Variants in POLR1C observed in about 807,000 individuals in gnomAD.
POLR1C encodes the protein DNA-directed RNA polymerases I and III subunit RPAC1.
In POLR1C, 42 loss-of-function variants were observed where a neutral mutation model predicts 38.3. The observed-to-expected ratio is 1.10, with a 90% CI of 0.86 to 1.42. The LOEUF is 1.42. POLR1C is among the 40% of genes most tolerant of loss of function. The pLI, the probability that POLR1C is intolerant of heterozygous loss-of-function variation, is 0.00. For synonymous variants in POLR1C, 163 were observed against 163.9 expected (o/e 0.99, Z 0.04); for missense variants, 507 against 450.5 (o/e 1.13, Z -1.14).
At chr6:43,528,837 G>A (rs1248752554) in intron 8 of POLR1C, 2 of 1,613,638 alleles carry the variant, frequency 1.2e-6, no homozygotes, top group African/African-American at 2.7e-5. Context: ...CCATATGGAG[G>A]TAGGTGAAAA....
intron 9 of POLR1C, chr6:43,547,741 A>T: frequency 1.3e-6 from 2 of 1,590,584 alleles, no homozygotes; most frequent in Non-Finnish European, 1.7e-6. Context: ...AAGTTACATC[A>T]TGACTTTAAA....
chr6:43,538,695 T>C (rs1794501398), intron 9 of POLR1C: 1 of 440,164 alleles, frequency 2.3e-6, no homozygotes, highest in Non-Finnish European at 3.9e-6. Context: ...ATTTTCCTCT[T>C]TGGTACTGTT....
downstream of POLR1C, chr6:43,523,858 A>G: frequency 1.2e-6 from 2 of 1,613,998 alleles, no homozygotes; most frequent in Non-Finnish European, 1.7e-6. Flanking sequence ...AGGATGCCCA[A>G]AAGCTTGATT....
chr6:43,520,334 G>T lies in POLR1C; in HGVS notation c.562G>T (p.Gly188Cys). 1 of 1,613,400 alleles carries T rather than the reference G, an allele frequency of 6.2e-7. No individual in the cohort carries two copies. The highest frequency in any genetic ancestry group is 8.5e-7 in the Non-Finnish European group (1 of 1,180,016). Residue 188 changes from glycine (G) to cysteine (C), a missense_variant, in exon 6 of 9, where the codon GGC (glycine) becomes TGC (cysteine). By Grantham distance (159) the Gly-to-Cys change is radical. Transcript: ENST00000642195. ...LGNQADLFPEGTIRPVHDDIL... is the reference protein window; with the variant it reads ...LGNQADLFPECTIRPVHDDIL... ...GAACCAGGCTGATCTCTTTCCAGAG[G>T]GCACTATCCGACCAGTGCATGATGA...
intron 8 of POLR1C, chr6:43,528,183 A>T: frequency 6.3e-7 from 1 of 1,594,934 alleles, no homozygotes; most frequent in Non-Finnish European, 8.5e-7. Context: ...TTGGTTGATA[A>T]CTTGCCATTT....
At chr6:43,527,709 C>G in intron 8 of POLR1C, 1 of 1,614,024 alleles carries the variant, frequency 6.2e-7, no homozygotes, top group Non-Finnish European at 8.5e-7. Context: ...TCTGGGTTTT[C>G]ATCTGCAGCC....
chr6:43,531,251 C>G (rs1174285297), downstream of POLR1C, among the ~76,000 whole-genome samples: 3 of 151,864 alleles, frequency 2.0e-5, no homozygotes, highest in African/African-American at 7.3e-5. Flanking sequence ...GAAACACAGA[C>G]AAGTTGGGCA....
intron 2 of POLR1C, 81 bp from the exon 3 acceptor site, chr6:43,519,249 TGAG>T: frequency 1.2e-6 from 1 of 830,572 alleles, no homozygotes; most frequent in South Asian, 1.4e-5. Context: ...GGATAATACT[TGAG>T]GGAATTATCT....
chr6:43,545,723 CA>C (rs11324075), intron 9 of POLR1C, among the ~76,000 whole-genome samples: 27,304 of 147,544 alleles, frequency 0.19, 5,148 homozygotes, highest in African/African-American at 0.49. Flanking sequence ...AACAAACAAA[CA>C]AAAAAAAAAC....
At chr6:43,550,172 G>C (rs891630658) in intron 9 of POLR1C, among the ~76,000 whole-genome samples, 1 of 152,100 alleles carries the variant, frequency 6.6e-6, no homozygotes, top group Non-Finnish European at 1.5e-5. Context: ...TAGGATCCCA[G>C]AACAATTCAT....
chr6:43,539,388 C>A, intron 9 of POLR1C: 3 of 1,578,394 alleles, frequency 1.9e-6, no homozygotes, highest in Non-Finnish European at 1.7e-6. Context: ...ATCTTCAAAA[C>A]CTCATCCTTG....
chr6:43,522,813 A>AC, downstream of POLR1C: 1 of 369,874 alleles, frequency 2.7e-6, no homozygotes, highest in Non-Finnish European at 6.1e-6. Flanking sequence ...GCCAGTAATA[A>AC]CCTCAGGGCC....
At chr6:43,520,521 T>C in intron 6 of POLR1C, 94 bp downstream of exon 6, 2 of 1,602,362 alleles carry the variant, frequency 1.2e-6, no homozygotes, top group African/African-American at 1.3e-5. Context: ...TCCCGGCAGG[T>C]AGAAAGCCAA....
downstream of POLR1C, chr6:43,524,546 T>C (rs1356048923): frequency 1.1e-5 from 17 of 1,613,910 alleles, no homozygotes; most frequent in Non-Finnish European, 1.4e-5. Flanking sequence ...GGGAGGGGTT[T>C]AAAAGCTTGC....
At chr6:43,531,419 A>G (rs980748881), downstream of POLR1C, 56 of 1,494,970 alleles carry the variant, frequency 3.7e-5, no homozygotes, top group Non-Finnish European at 4.6e-5. Context: ...CAACCCATGG[A>G]CATTCCTATA....
chr6:43,520,576 C>T, intron 6 of POLR1C, 49 bp from the exon 7 acceptor site: 2 of 1,610,208 alleles, frequency 1.2e-6, no homozygotes, highest in Non-Finnish European at 1.7e-6. Flanking sequence ...GAGTATTCTT[C>T]CTAACCCTAG....
chr6:43,519,152 T>C (rs1793005721), intron 2 of POLR1C, 181 bp from the exon 3 acceptor site: 1 of 645,784 alleles, frequency 1.5e-6, no homozygotes, highest in African/African-American at 1.8e-5. Flanking sequence ...ACGACAAAAA[T>C]GGAGACTTTT....
intron 9 of POLR1C, among the ~76,000 whole-genome samples, chr6:43,549,052 C>A (rs144654602): frequency 1.3e-5 from 2 of 152,108 alleles, no homozygotes; most frequent in Admixed American, 1.3e-4. Context: ...TAAGAAAACA[C>A]CAATTCAAGA....
downstream of POLR1C, among the ~76,000 whole-genome samples, chr6:43,531,865 G>A (rs1794005321): frequency 6.6e-6 from 1 of 152,026 alleles, no homozygotes; most frequent in Non-Finnish European, 1.5e-5. Context: ...TTTCCATAAA[G>A]CTCTGGGGAT....
Sources: gnomAD v4.1 joint callset for allele counts (sites outside exome capture counted in the v4.1 genomes callset) on GRCh38, gnomAD v4.1.1 for gene constraint, MANE v1.5 for transcripts, NCBI Gene and HGNC (gene_info 2026-07-23, HGNC 2026-07-21) for gene names.